The following SLC50A1 variants were observed in gnomAD, a reference collection of about 807,000 sequenced individuals.
SLC50A1 encodes sugar transporter SWEET1.
A neutral mutation model predicts 28.9 loss-of-function variants in SLC50A1; 22 were observed. That is an observed-to-expected ratio of 0.76 (90% CI 0.54 to 1.09). The LOEUF is 1.09. Among genes scored for constraint, SLC50A1 ranks in the 50% least tolerant of loss-of-function variants. The pLI is 0.00. For synonymous variants in SLC50A1, 96 were observed against 110.6 expected (o/e 0.87, Z 0.83); for missense variants, 233 against 273.4 (o/e 0.85, Z 1.04).
chr1:155,135,539 G>A, upstream of SLC50A1: 2 of 1,487,730 alleles, frequency 1.3e-6, no homozygotes, highest in Non-Finnish European at 9.0e-7. Flanking sequence ...CACCGCCGAA[G>A]GCGCACAGGC....
chr1:155,136,183 G>A (rs1281351769), intron 1 of SLC50A1, 116 bp from the exon 2 acceptor site: 3 of 637,016 alleles, frequency 4.7e-6, no homozygotes, highest in Admixed American at 2.6e-5. Context: ...CTGGCGGGGG[G>A]GAGAGGGGGC....
At chr1:155,135,398 G>C (rs1664374467), upstream of SLC50A1, 1 of 563,310 alleles carries the variant, frequency 1.8e-6, no homozygotes, top group South Asian at 2.3e-5. Context: ...GTGTTATTTT[G>C]AGAAAAAGCT....
upstream of SLC50A1, chr1:155,135,698 G>C (rs1334087860): frequency 5.8e-6 from 9 of 1,550,086 alleles, no homozygotes; most frequent in Non-Finnish European, 5.2e-6. Context: ...CCAGGGTACT[G>C]GGAAGGCGCT....
chr1:155,135,693 G>A (rs923125183), upstream of SLC50A1: 56 of 1,550,148 alleles, frequency 3.6e-5, no homozygotes, highest in Middle Eastern at 1.7e-4. Context: ...CTGGACCAGG[G>A]TACTGGGAAG....
upstream of SLC50A1, chr1:155,135,398 G>A (rs1664374467): frequency 5.3e-6 from 3 of 563,192 alleles, no homozygotes; most frequent in Non-Finnish European, 9.3e-6. Flanking sequence ...GTGTTATTTT[G>A]AGAAAAAGCT....
rs1159990627 is a variant in SLC50A1, at chr1:155,136,308, C to T, written c.90C>T (p.Leu30=). The change falls in exon 2 of 6, where the codon CTC becomes CTT. Residue 30 remains leucine (L), a synonymous_variant. Coordinates refer to ENST00000368404, the MANE Select transcript of SLC50A1 (RefSeq NM_018845.4). ...LGMFSAGLSD[L]RHMRMTRSVD... ...CGGGGCCCCATTACAGCTCGGACCT[C>T]AGGCACATGCGAATGACCCGGAGTG... is the stretch of plus-strand genomic sequence containing the variant. 1 of 1,609,262 alleles carries T rather than the reference C, an allele frequency of 6.2e-7. No homozygotes were observed.
At chr1:155,136,603 C>A (rs1225263270) in intron 2 of SLC50A1, 13 of 703,052 alleles carry the variant, frequency 1.8e-5, no homozygotes, top group Non-Finnish European at 3.0e-5. Flanking sequence ...ATTAGCCGGG[C>A]GTGGTGCCGG....
chr1:155,136,032 T>G (rs1420989659), intron 1 of SLC50A1, 41 bp downstream of exon 1: 1 of 1,608,142 alleles, frequency 6.2e-7, no homozygotes, highest in Non-Finnish European at 8.5e-7. Context: ...GACTAGGCAG[T>G]CAGGAAAGGA....
At chr1:155,136,119 AC>A in intron 1 of SLC50A1, 128 bp downstream of exon 1, 1 of 1,009,266 alleles carries the variant, frequency 9.9e-7, no homozygotes, top group South Asian at 1.4e-5. Context: ...GGTCGAGGGG[AC>A]CGGGGTACAA....
chr1:155,135,960 G>C lies in SLC50A1; in HGVS notation c.49G>C (p.Val17Leu), dbSNP rs1664425608. 7 of 1,614,134 alleles carry C rather than the reference G, an allele frequency of 4.3e-6. No individual in the cohort carries two copies. The Admixed American group carries it at 1.0e-4, about 23-fold the overall frequency. ...CTCGCTCATTTACGGAGCATGCGTG[G>C]TCTTCACCCTTGGCATGTTCTCCGC... The part of the protein sequence containing the change: ...LDSLIYGACV[V>L]FTLGMFSAGL... Residue 17 changes from valine to leucine, a missense_variant, in exon 1 of 6, where the codon GTC (valine) becomes CTC (leucine). By Grantham distance (32) the Val-to-Leu change is conservative. Coordinates refer to ENST00000368404, the MANE Select transcript of SLC50A1 (RefSeq NM_018845.4).
At chr1:155,136,262 TCCCACC>T in intron 1 of SLC50A1, 31 bp from the exon 2 acceptor site, 4 of 1,376,996 alleles carry the variant, frequency 2.9e-6, no homozygotes, top group Non-Finnish European at 3.1e-6. Flanking sequence ...GCTTCTCCCT[TCCCACC>T]CCCACCCCTC....
intron 1 of SLC50A1, 81 bp downstream of exon 1, chr1:155,136,072 A>G (rs1664435887): frequency 6.6e-7 from 1 of 1,524,046 alleles, no homozygotes; most frequent in South Asian, 1.2e-5. Flanking sequence ...TGGCCACAGC[A>G]CCTGGCTCGT....
chr1:155,135,381 T>C (rs1353890328), upstream of SLC50A1: 2 of 521,994 alleles, frequency 3.8e-6, no homozygotes, highest in Non-Finnish European at 6.8e-6. Flanking sequence ...TGGTGATTCC[T>C]GGTAATGTGT....
chr1:155,136,510 G>C (rs1401451638), intron 2 of SLC50A1, 134 bp downstream of exon 2: 11 of 822,338 alleles, frequency 1.3e-5, no homozygotes, highest in Non-Finnish European at 2.0e-5. Context: ...TTGGGAGGCC[G>C]AGACGGGCGG....
At chr1:155,135,545 C>G (rs966912731), upstream of SLC50A1, 5 of 1,511,780 alleles carry the variant, frequency 3.3e-6, no homozygotes, top group Non-Finnish European at 4.4e-6. Context: ...CGAAGGCGCA[C>G]AGGCCTGTGG....
In SLC50A1 at chr1:155,138,333, C is replaced by T; in HGVS notation, c.*52C>T. 1 of 1,558,840 alleles carries T rather than the reference C, an allele frequency of 6.4e-7. No homozygotes were observed. The highest frequency in any genetic ancestry group is 1.1e-5 in the South Asian group (1 of 88,496). ...TTAGTGCCAACCTGAACCAAAGAGA[C>T]CTCCTTGTTTCAGCTGGGCCTGCTG... On this transcript the variant is annotated 3_prime_UTR_variant, in exon 6 of 6. Transcript: ENST00000368404.
upstream of SLC50A1, chr1:155,135,507 A>G: frequency 7.5e-7 from 1 of 1,335,998 alleles, no homozygotes. Context: ...TTGTTAAACT[A>G]GCAAGCTTTT....
chr1:155,138,016 C>T lies in SLC50A1; in HGVS notation c.482C>T (p.Ser161Phe). The change falls in exon 5 of 6, where the codon TCC becomes TTC. Residue 161 changes from serine to phenylalanine, a missense_variant. Coordinates refer to ENST00000368404, the MANE Select transcript of SLC50A1 (RefSeq NM_018845.4). ...CAAACTAAATCAACCCAATGTCTCTCCTACCCACTCACCATTGCTACCCTT... is the reference window on the plus strand; with the variant it reads ...CAAACTAAATCAACCCAATGTCTCTTCTACCCACTCACCATTGCTACCCTT... ...VIQTKSTQCL[S>F]YPLTIATLLT... 6.2e-7 allele frequency: 1 copy of T among 1,614,188 alleles called. No individual in the cohort carries two copies. The highest frequency in any genetic ancestry group is 8.5e-7 in the Non-Finnish European group (1 of 1,180,042).
chr1:155,137,713 G>A lies in SLC50A1; in HGVS notation c.435G>A (p.Leu145=), dbSNP rs755229122. 12 of 1,613,992 alleles carry A rather than the reference G, an allele frequency of 7.4e-6. No homozygotes were observed. Among genetic ancestry groups the A allele is most frequent in the Non-Finnish European group, 1.0e-5 (12 of 1,180,018 alleles). The stretch of plus-strand genomic sequence containing the variant: ...CCATCAGCATGTACCTCTCACCACT[G>A]GCTGACTTGGTGAGTGGGGGTGTCC... ...VFTISMYLSP[L]ADLAKVIQTK... Residue 145 remains leucine (L), a synonymous_variant, in exon 4 of 6, where the codon CTG becomes CTA. Transcript: ENST00000368404.
Sources: allele counts gnomAD v4.1 joint callset, GRCh38; gene constraint gnomAD v4.1.1; transcripts MANE v1.5; gene names NCBI Gene and HGNC (gene_info 2026-07-23, HGNC 2026-07-21).